The following TBC1D23 variants were observed in gnomAD, a reference collection of about 807,000 sequenced individuals.
TBC1D23 encodes the protein HCV non-structural protein 4A-transactivated protein 1.
Under a neutral mutation model 91.4 loss-of-function variants are expected in TBC1D23, and 55 were observed. That is an observed-to-expected ratio of 0.60 (90% CI 0.48 to 0.75). The LOEUF is 0.75. Among genes scored for constraint, TBC1D23 ranks in the 30% least tolerant of loss-of-function variants. TBC1D23 has a pLI of 0.00. For synonymous variants in TBC1D23, 289 were observed against 281.0 expected, an observed-to-expected ratio of 1.03 and a Z score of -0.28; for missense variants, 725 against 836.1, an observed-to-expected ratio of 0.87 and a Z score of 1.64.
intron 11 of TBC1D23, among the ~76,000 whole-genome samples, chr3:100,302,634 T>C (rs956135837): frequency 2.6e-5 from 4 of 152,212 alleles, no homozygotes; most frequent in Non-Finnish European, 5.9e-5. Context: ...TCGCCCAGGC[T>C]GGAGTGCAGT....
intron 10 of TBC1D23, among the ~76,000 whole-genome samples, chr3:100,301,494 T>C (rs1705429437): frequency 1.3e-5 from 2 of 152,240 alleles, no homozygotes; most frequent in Admixed American, 6.5e-5. Flanking sequence ...GATCTGTCCA[T>C]TTTTCTATTT....
chr3:100,290,620 G>A lies in TBC1D23; in HGVS notation c.519G>A (p.Leu173=), dbSNP rs2067781716. 1 of 1,613,802 alleles carries A rather than the reference G, an allele frequency of 6.2e-7. No homozygotes were observed. The highest frequency in any genetic ancestry group is 8.5e-7 in the Non-Finnish European group (1 of 1,179,790). ...QKGRPFHLFR[L]LIQYHEPELC... ...GGAGACCATTTCATCTCTTCAGGTT[G>A]CTCATCCAATACCATGAGCCTGAGC... The change falls in exon 5 of 19, where the codon TTG becomes TTA. Residue 173 remains leucine, a synonymous_variant. Transcript: ENST00000394144.
At chr3:100,323,050 T>C (rs1380381733) in intron 18 of TBC1D23, among the ~76,000 whole-genome samples, 1 of 152,208 alleles carries the variant, frequency 6.6e-6, no homozygotes, top group African/African-American at 2.4e-5. Context: ...TTTTTAAATA[T>C]TTCAGACCTC....
intron 13 of TBC1D23, among the ~76,000 whole-genome samples, chr3:100,308,086 C>G (rs1432377734): frequency 6.6e-6 from 1 of 152,178 alleles, no homozygotes; most frequent in Non-Finnish European, 1.5e-5. Flanking sequence ...GCATTCTTTT[C>G]AAAGTACCAA....
intron 13 of TBC1D23, among the ~76,000 whole-genome samples, chr3:100,307,672 T>C (rs965947570): frequency 6.6e-6 from 1 of 152,244 alleles, no homozygotes; most frequent in African/African-American, 2.4e-5. Flanking sequence ...GATACTCTTA[T>C]TTTTAACTTG....
At position 100,322,886 on chromosome 3, in the gene TBC1D23, A is replaced by G. The variant is rs763115537; in HGVS notation, c.2019-701A>G. 2.0e-5 allele frequency among the ~76,000 whole-genome samples: 3 copies of G among 152,226 alleles called. No individual in the cohort carries two copies. The East Asian group carries it at 5.8e-4, about 29-fold the overall frequency. On this transcript the variant is annotated intron_variant, in intron 18 of 18. Transcript: ENST00000394144. The stretch of plus-strand genomic sequence containing the variant: ...TATGGTTCTCTATTCTGCCTCGCAT[A>G]TAACACTCATAGATGATTTATACAG...
At chr3:100,313,694 C>CAGTTTA (rs1705671284) in intron 15 of TBC1D23, among the ~76,000 whole-genome samples, 1 of 152,084 alleles carries the variant, frequency 6.6e-6, no homozygotes, top group South Asian at 2.1e-4. Flanking sequence ...TATGTTATGG[C>CAGTTTA]AGTTTAATTG....
chr3:100,312,886 G>A (rs935353938), intron 15 of TBC1D23, among the ~76,000 whole-genome samples: 2 of 151,950 alleles, frequency 1.3e-5, no homozygotes, highest in African/African-American at 2.4e-5. Context: ...GGGCGCAATG[G>A]CTCACACCTG....
At position 100,324,131 on chromosome 3, in the gene TBC1D23, A is replaced by G. The variant is rs1475304052; in HGVS notation, c.*463A>G. The G allele has an allele frequency of 6.7e-6, 1 of 150,186 alleles. No individual in the cohort carries two copies. Among genetic ancestry groups the G allele is most frequent in the Admixed American group, 6.6e-5 (1 of 15,242 alleles). 9.3% of individuals were successfully genotyped at this position (150,186 alleles called of 1,614,324 possible). On this transcript the variant is annotated 3_prime_UTR_variant, in exon 19 of 19. Coordinates refer to ENST00000394144, the MANE Select transcript of TBC1D23 (RefSeq NM_001199198.3). Reference sequence around the variant, plus strand: ...ACTGAGCAATATCAGAAACTAAAACATAGATTAATAATTCACTCACTGTTT... The same window carrying G: ...ACTGAGCAATATCAGAAACTAAAACGTAGATTAATAATTCACTCACTGTTT...
intron 4 of TBC1D23, among the ~76,000 whole-genome samples, chr3:100,286,199 A>G (rs2067740604): frequency 6.6e-6 from 1 of 152,228 alleles, no homozygotes; most frequent in Admixed American, 6.5e-5. Flanking sequence ...TTGTTGTACT[A>G]GGTCTCTCAA....
chr3:100,306,386 CAA>C, intron 12 of TBC1D23, 49 bp from the exon 13 acceptor site: 3 of 1,074,116 alleles, frequency 2.8e-6, no homozygotes, highest in Middle Eastern at 2.1e-4. Flanking sequence ...TGAATTTTTC[CAA>C]AGAGTGTTGA....
In TBC1D23 at chr3:100,297,929, C is replaced by G. The variant is rs1705334148; in HGVS notation, c.883C>G (p.His295Asp). 1 of 1,605,150 alleles carries G rather than the reference C, an allele frequency of 6.2e-7. No individual in the cohort carries two copies. Among genetic ancestry groups the G allele is most frequent in the Non-Finnish European group, 8.5e-7 (1 of 1,174,480 alleles). ...KTPASFRKDN[H>D]HLFGSTLLGI... ...AAAATTTCCCTTCAAACAGGATAAT[C>G]ACCATCTCTTTGGTAGTACTTTGTT... Residue 295 changes from histidine (H) to aspartate (D), a missense_variant, in exon 9 of 19, where the codon CAC becomes GAC. His to Asp is a moderately conservative substitution (Grantham distance 81). Transcript: ENST00000394144.
chr3:100,295,707 A>T (rs1480841021), intron 7 of TBC1D23, among the ~76,000 whole-genome samples: 1 of 151,906 alleles, frequency 6.6e-6, no homozygotes, highest in Non-Finnish European at 1.5e-5. Context: ...CTCCTTTTGG[A>T]TTCTCCCCAC....
chr3:100,276,755 C>T (rs1302854489), intron 1 of TBC1D23, among the ~76,000 whole-genome samples: 6 of 152,102 alleles, frequency 3.9e-5, no homozygotes, highest in Admixed American at 1.3e-4. Flanking sequence ...GAAAATAATG[C>T]TATTGATAGA....
At chr3:100,279,151 T>G (rs1462737489) in intron 1 of TBC1D23, among the ~76,000 whole-genome samples, 1 of 152,208 alleles carries the variant, frequency 6.6e-6, no homozygotes, top group Non-Finnish European at 1.5e-5. Context: ...ACAGTAACTT[T>G]TTAATACCAA....
intron 9 of TBC1D23, among the ~76,000 whole-genome samples, chr3:100,298,765 A>G (rs1207033744): frequency 6.6e-6 from 1 of 152,228 alleles, no homozygotes; most frequent in African/African-American, 2.4e-5. Context: ...AAAGAGATCC[A>G]TGTGAACTTC....
chr3:100,277,824 C>T (rs1293019297), intron 1 of TBC1D23, among the ~76,000 whole-genome samples: 1 of 152,124 alleles, frequency 6.6e-6, no homozygotes, highest in Non-Finnish European at 1.5e-5. Context: ...GAGATAAACC[C>T]CAGTTTTTAT....
intron 8 of TBC1D23, 91 bp downstream of exon 8, chr3:100,296,366 C>T: frequency 1.4e-6 from 1 of 737,960 alleles, no homozygotes; most frequent in South Asian, 2.3e-5. Flanking sequence ...AATAGGTTGT[C>T]AATTTTTTCT....
chr3:100,311,660 T>C (rs1226329761), intron 14 of TBC1D23, among the ~76,000 whole-genome samples, 173 bp from the exon 15 acceptor site: 1 of 152,246 alleles, frequency 6.6e-6, no homozygotes, highest in Non-Finnish European at 1.5e-5. Flanking sequence ...CTGCCTTGAT[T>C]AGTTGAAATT....
Sources: allele counts gnomAD v4.1 joint callset (sites outside exome capture counted in the v4.1 genomes callset), GRCh38; gene constraint gnomAD v4.1.1; transcripts MANE v1.5; gene names NCBI Gene and HGNC (gene_info 2026-07-23, HGNC 2026-07-21).